Variants in NRXN1 observed in about 807,000 individuals in gnomAD.
NRXN1 encodes the protein neurexin-1.
Under a neutral mutation model 150.9 loss-of-function variants are expected in NRXN1, and 39 were observed. That is an observed-to-expected ratio of 0.26 (90% confidence interval 0.20 to 0.34). The LOEUF (loss-of-function observed/expected upper bound fraction) is 0.34. NRXN1 is among the 10% of genes least tolerant of loss of function. The pLI, the probability that NRXN1 is intolerant of heterozygous loss-of-function variation, is 1.00. For missense variants in NRXN1, 1,815 were observed against 1,949.9 expected (o/e 0.93, Z 1.30); for synonymous variants, 924 against 757.0 (o/e 1.22, Z -3.62).
At chr2:50,680,975 C>A (rs186106286) in intron 5 of NRXN1, among the ~76,000 whole-genome samples, 1 of 151,956 alleles carries the variant, frequency 6.6e-6, no homozygotes, top group Admixed American at 6.6e-5. Context: ...TAATAGTTAA[C>A]TTAGTAAAAA....
intron 17 of NRXN1, among the ~76,000 whole-genome samples, chr2:50,308,633 C>T (rs1261833228): frequency 3.9e-5 from 6 of 152,128 alleles, no homozygotes; most frequent in Non-Finnish European, 1.5e-5. Flanking sequence ...GGAGTACAGG[C>T]TTGAGCTACT....
chr2:50,161,416 T>C (rs2059357771), intron 18 of NRXN1, among the ~76,000 whole-genome samples: 1 of 150,202 alleles, frequency 6.7e-6, no homozygotes, highest in Non-Finnish European at 1.5e-5. Flanking sequence ...GCGACTTAAT[T>C]TAATGAACAG....
intron 5 of NRXN1, among the ~76,000 whole-genome samples, chr2:50,650,465 C>T (rs1039557018): frequency 6.6e-6 from 1 of 152,034 alleles, no homozygotes; most frequent in African/African-American, 2.4e-5. Context: ...AAAAATGCTT[C>T]CAAACAATTA....
intron 21 of NRXN1, among the ~76,000 whole-genome samples, chr2:50,037,920 A>G (rs1326738833): frequency 1.3e-5 from 2 of 152,218 alleles, no homozygotes; most frequent in African/African-American, 4.8e-5. Context: ...AGAATCTGCT[A>G]AAAGTTGAAA....
intron 2 of NRXN1, among the ~76,000 whole-genome samples, chr2:50,956,703 T>C (rs1359402981): frequency 6.6e-6 from 1 of 151,702 alleles, no homozygotes; most frequent in African/African-American, 2.4e-5. Flanking sequence ...GGCGACAGAG[T>C]GAGACTATCT....
At chr2:50,710,385 C>T (rs1349050394) in intron 5 of NRXN1, among the ~76,000 whole-genome samples, 1 of 152,180 alleles carries the variant, frequency 6.6e-6, no homozygotes, top group African/African-American at 2.4e-5. Flanking sequence ...TACACCTGTT[C>T]TTCATTTGTG....
rs1028860214 is a variant in NRXN1, at chr2:51,010,972, G to A, written c.772+16530C>T. Among the ~76,000 whole-genome samples the A allele has an allele frequency of 2.6e-5, 4 of 151,886 alleles. No individual in the cohort carries two copies. The East Asian group carries it at 5.9e-4, about 22-fold the overall frequency. On this transcript the variant is annotated intron_variant, in intron 2 of 22. Transcript: ENST00000401669. ...ATTTTTAAAAATGTTTTTGTATCGC[G>A]CTTTTTGCCTGGGCTGGTCTCAAAC...
At chr2:50,374,588 A>T (rs1049111296) in intron 17 of NRXN1, among the ~76,000 whole-genome samples, 1 of 152,092 alleles carries the variant, frequency 6.6e-6, no homozygotes, top group African/African-American at 2.4e-5. Context: ...AGCACTCATA[A>T]ACACATAGCA....
chr2:50,782,868 A>G (rs1390032993), intron 5 of NRXN1, among the ~76,000 whole-genome samples: 1 of 152,188 alleles, frequency 6.6e-6, no homozygotes, highest in African/African-American at 2.4e-5. Context: ...GAGAAAGACT[A>G]ATAAATGGTG....
chr2:50,700,462 A>T (rs1693573584), intron 5 of NRXN1, among the ~76,000 whole-genome samples: 1 of 152,210 alleles, frequency 6.6e-6, no homozygotes, highest in Admixed American at 6.5e-5. Context: ...GTGAAATTTT[A>T]AAAATAAGAT....
At chr2:50,186,887 A>G (rs1479654878) in intron 18 of NRXN1, among the ~76,000 whole-genome samples, 1 of 152,092 alleles carries the variant, frequency 6.6e-6, no homozygotes, top group African/African-American at 2.4e-5. Flanking sequence ...GATTTATTTC[A>G]AAACATTTTT....
intron 13 of NRXN1, 132 bp downstream of exon 13, chr2:50,506,363 A>T (rs1411686205): frequency 6.6e-6 from 5 of 758,150 alleles, no homozygotes; most frequent in Non-Finnish European, 7.8e-6. Flanking sequence ...GTTACTAGAA[A>T]AAAATAGAAT....
At chr2:50,940,643 A>G (rs1307751528) in intron 2 of NRXN1, among the ~76,000 whole-genome samples, 1 of 152,170 alleles carries the variant, frequency 6.6e-6, no homozygotes, top group African/African-American at 2.4e-5. Context: ...TGAAAGTTGC[A>G]TACTCCTTAC....
At chr2:50,355,484 A>G (rs2078731983) in intron 17 of NRXN1, among the ~76,000 whole-genome samples, 1 of 151,954 alleles carries the variant, frequency 6.6e-6, no homozygotes. Context: ...AACTTCTGCC[A>G]CTTTCCCCAC....
At chr2:50,374,635 C>T (rs997644713) in intron 17 of NRXN1, among the ~76,000 whole-genome samples, 1 of 151,998 alleles carries the variant, frequency 6.6e-6, no homozygotes, top group African/African-American at 2.4e-5. Context: ...AAGTGACTTA[C>T]CTTATTTGAT....
At chr2:50,377,297 G>A (rs911400589) in intron 17 of NRXN1, among the ~76,000 whole-genome samples, 3 of 152,052 alleles carry the variant, frequency 2.0e-5, no homozygotes, top group Admixed American at 1.3e-4. Flanking sequence ...CCTCCCTGTG[G>A]CCATGTGTTC....
At position 50,271,245 on chromosome 2, in the gene NRXN1, T is replaced by A. The variant is rs910584403; in HGVS notation, c.3365-34275A>T. Among the ~76,000 whole-genome samples the A allele has an allele frequency of 3.9e-5, 6 of 152,324 alleles. No individual in the cohort carries two copies. The East Asian group carries it at 1.2e-3, about 29-fold the overall frequency. On this transcript the variant is annotated intron_variant, in intron 17 of 22. Transcript: ENST00000401669. ...GTGGAGTCTGATAATTGAACTTAGC[T>A]ACCAATAATGGAAAGTATCATGATT...
intron 5 of NRXN1, among the ~76,000 whole-genome samples, chr2:50,631,824 T>G (rs1294214282): frequency 3.3e-5 from 5 of 151,950 alleles, no homozygotes; most frequent in Admixed American, 6.6e-5. Context: ...TCATTAGGTG[T>G]GCAACATTTC....
chr2:50,284,889 A>G (rs2071921800), intron 17 of NRXN1, among the ~76,000 whole-genome samples: 1 of 152,148 alleles, frequency 6.6e-6, no homozygotes. Flanking sequence ...TAACAAAACC[A>G]TTTTACCACA....
Sources: gnomAD v4.1 joint callset for allele counts (sites outside exome capture counted in the v4.1 genomes callset) on GRCh38, gnomAD v4.1.1 for gene constraint, MANE v1.5 for transcripts, NCBI Gene and HGNC (gene_info 2026-07-23, HGNC 2026-07-21) for gene names.